MED23: variants seen among roughly 807,000 people sequenced by gnomAD.
MED23 encodes mediator of RNA polymerase II transcription subunit 23.
Under a neutral mutation model 163.9 loss-of-function variants are expected in MED23, and 105 were observed. That is an observed-to-expected ratio of 0.64 (90% CI 0.55 to 0.75). The LOEUF is 0.75. Among genes scored for constraint, MED23 ranks in the 30% least tolerant of loss-of-function variants. The pLI is 0.00. For missense variants in MED23, 1,054 were observed against 1,649.0 expected (o/e 0.64, Z 6.25); for synonymous variants, 561 against 565.6 (o/e 0.99, Z 0.12).
chr6:131,599,457 T>C (rs1227002692), intron 18 of MED23, among the ~76,000 whole-genome samples: 1 of 152,198 alleles, frequency 6.6e-6, no homozygotes, highest in East Asian at 1.9e-4. Context: ...TGAAGTGTCA[T>C]ATTACGCACA....
At chr6:131,593,337 AT>A (rs1355545488) in intron 23 of MED23, among the ~76,000 whole-genome samples, 166 bp from the exon 24 acceptor site, 1 of 152,220 alleles carries the variant, frequency 6.6e-6, no homozygotes, top group Non-Finnish European at 1.5e-5. Context: ...AAAAGCAACC[AT>A]TTGATTAACC....
chr6:131,579,305 T>C, intron 30 of MED23: 1 of 1,613,080 alleles, frequency 6.2e-7, no homozygotes, highest in South Asian at 1.1e-5. Flanking sequence ...AATAACTGTG[T>C]CTATGGGAAT....
chr6:131,586,657 C>A, downstream of MED23: 1 of 1,041,328 alleles, frequency 9.6e-7, no homozygotes, highest in Non-Finnish European at 1.3e-6. Context: ...GTGTAGGAAC[C>A]ACAGAGTACC....
chr6:131,615,671 G>C, intron 10 of MED23: 1 of 606,830 alleles, frequency 1.6e-6, no homozygotes, highest in Non-Finnish European at 2.9e-6. Flanking sequence ...TGGCCTTATA[G>C]AAAAAAAAGC....
chr6:131,584,497 A>G (rs1046812741), downstream of MED23, among the ~76,000 whole-genome samples: 3 of 151,898 alleles, frequency 2.0e-5, no homozygotes, highest in African/African-American at 7.3e-5. Flanking sequence ...TCCCCAAAAC[A>G]CTGTGAGGCC....
intron 10 of MED23, 155 bp downstream of exon 10, chr6:131,615,752 A>G (rs1264668990): frequency 3.0e-6 from 2 of 675,070 alleles, no homozygotes; most frequent in African/African-American, 1.8e-5. Context: ...TATATAAATG[A>G]TAGGAATAAT....
chr6:131,583,495 G>C (rs763249487), downstream of MED23: 77 of 1,613,930 alleles, frequency 4.8e-5, no homozygotes, highest in Non-Finnish European at 6.1e-5. Flanking sequence ...AAAACAGGTA[G>C]TTAACAATCT....
At chr6:131,620,042 T>C (rs1215680331) in intron 7 of MED23, 146 bp from the exon 8 acceptor site, 2 of 645,288 alleles carry the variant, frequency 3.1e-6, no homozygotes, top group Non-Finnish European at 5.5e-6. Flanking sequence ...TAGCTCCCTT[T>C]TGCTTCCTTC....
In MED23 at chr6:131,602,417, A is replaced by T. The variant is rs1436550001; in HGVS notation, c.1932-36T>A. 1.9e-6 allele frequency: 3 copies of T among 1,591,002 alleles called. No homozygotes were observed. The South Asian group carries it at 3.3e-5, about 18-fold the overall frequency. On this transcript the variant is annotated intron_variant, in intron 16 of 28. Coordinates refer to ENST00000368068, the MANE Select transcript of MED23 (RefSeq NM_004830.4). ...GGAGAATAAAAAGAAATGTAAAAAAATTTCAGAATTATGGAATTAAATCTA... is the reference window on the plus strand; with the variant it reads ...GGAGAATAAAAAGAAATGTAAAAAATTTTCAGAATTATGGAATTAAATCTA...
chr6:131,623,919 G>A (rs139839354), intron 4 of MED23, among the ~76,000 whole-genome samples: 117 of 152,254 alleles, frequency 7.7e-4, no homozygotes, highest in African/African-American at 2.6e-3. Flanking sequence ...CCTCACAAGT[G>A]TCTTTCATAA....
intron 30 of MED23, among the ~76,000 whole-genome samples, chr6:131,577,597 T>TCAA (rs1440031220): frequency 6.6e-6 from 1 of 151,822 alleles, no homozygotes; most frequent in African/African-American, 2.4e-5. Context: ...GAGATAGTAT[T>TCAA]CAACAATAAA....
intron 1 of MED23, 140 bp downstream of exon 1, chr6:131,627,871 G>A: frequency 1.7e-6 from 2 of 1,187,868 alleles, no homozygotes; most frequent in Non-Finnish European, 2.5e-6. Flanking sequence ...AAACTTCCCC[G>A]CATACAACCT....
chr6:131,626,795 C>T lies in MED23; in HGVS notation c.159+601G>A, dbSNP rs553062424. ...CAAATCTTATCACCAGTGGCTGACA[C>T]GCAAACAGTTCTCATTTCCCTACCT... On this transcript the variant is annotated intron_variant, in intron 3 of 28. Coordinates refer to ENST00000368068, the MANE Select transcript of MED23 (RefSeq NM_004830.4). 1.2e-4 allele frequency among the ~76,000 whole-genome samples: 18 copies of T among 152,310 alleles called. No individual in the cohort carries two copies. In the South Asian group the frequency reaches 3.5e-3, roughly 30 times the overall value.
chr6:131,622,520 G>C (rs754263519), intron 5 of MED23, among the ~76,000 whole-genome samples: 14 of 152,046 alleles, frequency 9.2e-5, no homozygotes, highest in Non-Finnish European at 1.9e-4. Context: ...TACATTATCT[G>C]ATATATAAAG....
In MED23 at chr6:131,587,585, T is replaced by C; in HGVS notation, c.*94A>G. 1 of 1,591,328 alleles carries C rather than the reference T, an allele frequency of 6.3e-7. No homozygotes were observed. Among genetic ancestry groups the C allele is most frequent in the Non-Finnish European group, 8.6e-7 (1 of 1,167,908 alleles). On this transcript the variant is annotated 3_prime_UTR_variant, in exon 29 of 29. Coordinates refer to ENST00000368068, the MANE Select transcript of MED23 (RefSeq NM_004830.4). ...CTGAATATCATCACTGCTTCTACTA[T>C]ATCACTACAGTGTGATCGCATTCAG...
At chr6:131,612,958 T>TA (rs980325594) in intron 10 of MED23, among the ~76,000 whole-genome samples, 1 of 152,174 alleles carries the variant, frequency 6.6e-6, no homozygotes, top group African/African-American at 2.4e-5. Flanking sequence ...TAGGTGAGCT[T>TA]AATTTTAAAT....
intron 10 of MED23, chr6:131,615,372 C>T (rs750056867): frequency 4.4e-6 from 7 of 1,604,872 alleles, no homozygotes; most frequent in Non-Finnish European, 6.0e-6. Flanking sequence ...CAGGACAAGA[C>T]AGGACAGAAC....
downstream of MED23, chr6:131,583,661 G>T (rs971615125): frequency 4.9e-5 from 75 of 1,543,898 alleles, no homozygotes; most frequent in East Asian, 1.8e-3. Context: ...TCTGTTAGTG[G>T]ATAATCTTTC....
Position 131,598,579 on chromosome 6 carries a change from A to G in MED23, c.2403T>C (p.Asp801=). Residue 801 remains aspartate, a synonymous_variant, in exon 19 of 29, where the codon GAT becomes GAC. Coordinates refer to ENST00000368068, the MANE Select transcript of MED23 (RefSeq NM_004830.4). This position sits in a 1 kb window ranked among gnomAD's most constrained non-coding sequence, Gnocchi z 4.7. ...CLLWKMLLET[D]HINQIGYRVL... is the part of the protein sequence containing the mutation. ...ACCTATAGCCAATCTGATTAATATG[A>G]TCTGTTTCCAAGAGCATTTTCCAGA... 1 of 1,614,144 alleles carries G rather than the reference A, an allele frequency of 6.2e-7. No homozygotes were observed. The highest frequency in any genetic ancestry group is 8.5e-7 in the Non-Finnish European group (1 of 1,180,006).
Sources: gnomAD v4.1 joint callset for allele counts (sites outside exome capture counted in the v4.1 genomes callset) on GRCh38, gnomAD v4.1.1 for gene constraint, Gnocchi (gnomAD v3.1) non-coding constraint, MANE v1.5 for transcripts, NCBI Gene and HGNC (gene_info 2026-07-23, HGNC 2026-07-21) for gene names.